Variants in ADCY8 observed in about 807,000 individuals in gnomAD.
ADCY8 encodes adenylate cyclase type 8.
In ADCY8, 51 loss-of-function variants were observed where a neutral mutation model predicts 119.7. The observed-to-expected ratio is 0.43, with a 90% CI of 0.34 to 0.54. The LOEUF (loss-of-function observed/expected upper bound fraction) is 0.54, where lower values mean the gene tolerates loss of function less well. Among genes scored for constraint, ADCY8 ranks in the 20% least tolerant of loss-of-function variants. The probability of loss-of-function intolerance (pLI) is 0.03; values close to 1 mark genes in which losing one functional copy is unlikely to be tolerated. For missense variants in ADCY8, 1,383 were observed against 1,598.8 expected, an observed-to-expected ratio of 0.87 and a Z score of 2.30; for synonymous variants, 665 against 651.0, an observed-to-expected ratio of 1.02 and a Z score of -0.33.
intron 1 of ADCY8, among the ~76,000 whole-genome samples, chr8:131,029,514 C>A (rs928687554): frequency 3.3e-5 from 5 of 152,064 alleles, no homozygotes; most frequent in Admixed American, 1.3e-4. Flanking sequence ...GGGAAGAGAA[C>A]AAGAGGGTGA....
At chr8:130,974,927 A>G (rs920490685) in intron 2 of ADCY8, among the ~76,000 whole-genome samples, 7 of 152,194 alleles carry the variant, frequency 4.6e-5, no homozygotes, top group Non-Finnish European at 7.4e-5. Context: ...GCTATTGTCC[A>G]CATATTGCCA....
In ADCY8 at chr8:130,909,765, T is replaced by C; in HGVS notation, c.1583A>G (p.Asp528Gly). 6.2e-7 allele frequency: 1 copy of C among 1,614,124 alleles called. No homozygotes were observed. The highest frequency in any genetic ancestry group is 8.5e-7 in the Non-Finnish European group (1 of 1,180,016). ...GVLGLRKWQF[D>G]VWSWDVDIAN... Reference sequence around the variant, plus strand: ...AATATCCACATCCCAAGACCAGACATCAAACTGCCACTTCCTTAGTCCCAA... The same window carrying C: ...AATATCCACATCCCAAGACCAGACACCAAACTGCCACTTCCTTAGTCCCAA... The change falls in exon 6 of 18, where the codon GAT (aspartate) becomes GGT (glycine). Residue 528 changes from aspartate (D) to glycine (G), a missense_variant. Coordinates refer to ENST00000286355, the MANE Select transcript of ADCY8 (RefSeq NM_001115.3).
At position 130,826,263 on chromosome 8, in the gene ADCY8, G is replaced by GAC. The variant is rs1224146488; in HGVS notation, c.2676-4845_2676-4844dup. On this transcript the variant is annotated intron_variant, in intron 12 of 17. Transcript: ENST00000286355. ...TAAATGAGATGATAAATTAGAAAGA[G>GAC]ACATATGAACTATTAAGTATTGTAT... Among the ~76,000 whole-genome samples the GAC allele has an allele frequency of 2.6e-5, 4 of 152,254 alleles. No individual in the cohort carries two copies. In the East Asian group the frequency reaches 7.7e-4, roughly 29 times the overall value.
At chr8:130,895,209 TA>T (rs1439740332) in intron 7 of ADCY8, among the ~76,000 whole-genome samples, 8 of 152,162 alleles carry the variant, frequency 5.3e-5, no homozygotes, top group African/African-American at 1.7e-4. Context: ...GCTATACGTT[TA>T]TTGGGTCTTG....
chr8:131,002,708 ATAAAAG>A (rs1292815478), intron 1 of ADCY8, among the ~76,000 whole-genome samples: 1 of 152,162 alleles, frequency 6.6e-6, no homozygotes, highest in East Asian at 1.9e-4. Flanking sequence ...AAAAAAGTAA[ATAAAAG>A]TAAAATAAAT....
At chr8:130,940,638 G>A (rs1202378983) in intron 4 of ADCY8, among the ~76,000 whole-genome samples, 2 of 152,134 alleles carry the variant, frequency 1.3e-5, no homozygotes, top group Admixed American at 6.5e-5. Flanking sequence ...TGACTTGACA[G>A]TAATATCTGA....
Position 130,783,787 on chromosome 8 carries a change from C to T in ADCY8, c.3172G>A (p.Gly1058Arg). 6.2e-7 allele frequency: 1 copy of T among 1,613,354 alleles called. No individual in the cohort carries two copies. The highest frequency in any genetic ancestry group is 8.5e-7 in the Non-Finnish European group (1 of 1,179,568). ...AAGTCAGCCAGAGCACACAAATGTC[C>T]CCACTTGTCTTCACATTGCTGAAGC... ...PEKQQCEDKW[G>R]HLCALADFSL... Residue 1058 changes from glycine (G) to arginine (R), a missense_variant, in exon 17 of 18, where the codon GGA becomes AGA. By Grantham distance (125) the Gly-to-Arg change is moderately radical. Around this residue, in one of 2 missense-constraint regions of ADCY8, gnomAD observed 928 missense variants for 1,163.5 expected, o/e 0.80. Transcript: ENST00000286355.
At chr8:130,802,003 G>A (rs1039164749) in intron 14 of ADCY8, among the ~76,000 whole-genome samples, 1 of 146,610 alleles carries the variant, frequency 6.8e-6, no homozygotes, top group African/African-American at 2.5e-5. Flanking sequence ...CACTTACCTG[G>A]TCCATCTCGT....
At chr8:131,008,432 A>T (rs898839271) in intron 1 of ADCY8, among the ~76,000 whole-genome samples, 16 of 152,200 alleles carry the variant, frequency 1.1e-4, no homozygotes, top group African/African-American at 3.9e-4. Flanking sequence ...AGCGTCTGGC[A>T]TGTCCCCTGC....
At chr8:130,815,335 C>T (rs1316478641) in intron 13 of ADCY8, among the ~76,000 whole-genome samples, 4 of 152,128 alleles carry the variant, frequency 2.6e-5, no homozygotes, top group Non-Finnish European at 5.9e-5. Context: ...ATACACTTAC[C>T]ACGTAGTAAC....
chr8:130,809,058 A>AT (rs1276595238), intron 14 of ADCY8, among the ~76,000 whole-genome samples: 1 of 152,214 alleles, frequency 6.6e-6, no homozygotes, highest in Non-Finnish European at 1.5e-5. Flanking sequence ...GCACAGCAGA[A>AT]TAGCAGAAGC....
intron 5 of ADCY8, among the ~76,000 whole-genome samples, chr8:130,935,780 G>A (rs1820765326): frequency 6.6e-6 from 1 of 152,180 alleles, no homozygotes; most frequent in Non-Finnish European, 1.5e-5. Flanking sequence ...TATGACGTTT[G>A]CTAGTTTGTT....
At chr8:130,932,061 T>C (rs760591774) in intron 5 of ADCY8, among the ~76,000 whole-genome samples, 2 of 152,186 alleles carry the variant, frequency 1.3e-5, no homozygotes, top group Admixed American at 1.3e-4. Context: ...AAGTCCTTAT[T>C]ATAGTCTTCA....
intron 15 of ADCY8, 84 bp downstream of exon 15, chr8:130,800,342 A>AAAAG: frequency 6.5e-7 from 1 of 1,542,610 alleles, no homozygotes; most frequent in Admixed American, 2.0e-5. Context: ...AAAAAAAAAA[A>AAAAG]ATAAGTAATT....
chr8:130,966,664 G>A (rs892752738), intron 2 of ADCY8, among the ~76,000 whole-genome samples: 6 of 152,178 alleles, frequency 3.9e-5, no homozygotes, highest in Non-Finnish European at 7.3e-5. Flanking sequence ...TAATGCACAT[G>A]ATCCTGAAGC....
chr8:130,844,392 T>C (rs1186927668), intron 11 of ADCY8, among the ~76,000 whole-genome samples: 5 of 152,182 alleles, frequency 3.3e-5, no homozygotes, highest in African/African-American at 1.2e-4. Context: ...AACCAAGTTA[T>C]ACTTTATATC....
intron 2 of ADCY8, among the ~76,000 whole-genome samples, chr8:130,956,467 C>A (rs1191379750): frequency 6.6e-6 from 1 of 152,218 alleles, no homozygotes; most frequent in Admixed American, 6.5e-5. Context: ...GGGTAAATCT[C>A]ATTTCCGTGG....
In ADCY8 at chr8:131,014,369, G is replaced by A. The variant is rs778281667; in HGVS notation, c.961-23827C>T. Among the ~76,000 whole-genome samples the A allele has an allele frequency of 1.4e-4, 21 of 152,150 alleles. 1 individual carries two copies. The highest frequency in any genetic ancestry group is 2.6e-4 in the Non-Finnish European group (18 of 68,032). On this transcript the variant is annotated intron_variant, in intron 1 of 17. Coordinates refer to ENST00000286355, the MANE Select transcript of ADCY8 (RefSeq NM_001115.3). ...AGTTATATACCTTGTGACACATTAG[G>A]TAGTAAAAATATAATGGAAGCTAGT...
At chr8:130,907,465 T>C (rs1425689191) in intron 6 of ADCY8, among the ~76,000 whole-genome samples, 1 of 152,234 alleles carries the variant, frequency 6.6e-6, no homozygotes, top group African/African-American at 2.4e-5. Context: ...TAAGCAGAGA[T>C]GGATACTGAA....
Sources: allele counts gnomAD v4.1 joint callset (sites outside exome capture counted in the v4.1 genomes callset), GRCh38; gene constraint gnomAD v4.1.1; regional missense constraint gnomAD v4.1.1; transcripts MANE v1.5; gene names NCBI Gene and HGNC (gene_info 2026-07-23, HGNC 2026-07-21).